ATXN10: variants seen among roughly 807,000 people sequenced by gnomAD.
ATXN10 encodes ataxin 10, also known as ataxin-10.
A neutral mutation model predicts 52.9 loss-of-function variants in ATXN10; 28 were observed. The ratio of observed to expected loss-of-function variants is 0.53; its 90% CI spans 0.39 to 0.73. The LOEUF (loss-of-function observed/expected upper bound fraction) is 0.73, where lower values mean the gene tolerates loss of function less well. ATXN10 is among the 30% of genes least tolerant of loss of function. ATXN10 has a pLI of 0.00. For missense variants in ATXN10, 565 were observed against 577.0 expected (o/e 0.98, Z 0.21); for synonymous variants, 226 against 221.5 (o/e 1.02, Z -0.18).
At chr22:45,821,457 CCCCAA>C (rs754277623) in intron 10 of ATXN10, among the ~76,000 whole-genome samples, 2 of 151,904 alleles carry the variant, frequency 1.3e-5, no homozygotes, top group Non-Finnish European at 2.9e-5. Context: ...TTGTGAAAGA[CCCCAA>C]CCTCCTCTCC....
rs1019415078 is a variant in ATXN10, at chr22:45,715,870, A to T, written c.648-2543A>T. ...TAAGATGATTTCTAGAAAAATTCCA[A>T]ACTTTTGGAAATTAACACATCTGAT... On this transcript the variant is annotated intron_variant, in intron 5 of 11. Transcript: ENST00000252934. The surrounding 1 kb of genome is among the most constrained non-coding windows in gnomAD (Gnocchi z 4.4). Among the ~76,000 whole-genome samples the T allele has an allele frequency of 6.6e-6, 1 of 152,216 alleles. No homozygotes were observed.
At chr22:45,713,757 A>T (rs1439250934) in intron 5 of ATXN10, among the ~76,000 whole-genome samples, 1 of 151,988 alleles carries the variant, frequency 6.6e-6, no homozygotes, top group Non-Finnish European at 1.5e-5. Flanking sequence ...ACTTCTCCCC[A>T]CACTGTTGGG....
chr22:45,768,573 A>G (rs1254031007), intron 9 of ATXN10, among the ~76,000 whole-genome samples: 2 of 152,256 alleles, frequency 1.3e-5, no homozygotes, highest in African/African-American at 4.8e-5. Context: ...CTGTCAGTTT[A>G]GAGAAAATAC....
In ATXN10 at chr22:45,690,458, A is replaced by G. The variant is rs778882829; in HGVS notation, c.308+555A>G. On this transcript the variant is annotated intron_variant, in intron 2 of 11. Transcript: ENST00000252934. The surrounding 1 kb of genome is among the most constrained non-coding windows in gnomAD (Gnocchi z 4.5). ...GGGGTTAGATTTCTTGTTTGTTTTT[A>G]TCACATGTTTTGAGGTATTTGGTTC... Among the ~76,000 whole-genome samples the G allele has an allele frequency of 4.6e-5, 7 of 151,280 alleles. No individual in the cohort carries two copies. Among genetic ancestry groups the G allele is most frequent in the Non-Finnish European group, 1.0e-4 (7 of 67,412 alleles).
rs1418156415 is a variant in ATXN10 at position 45,820,058 on chromosome 22, G to C, written c.1237+13036G>C. Among the ~76,000 whole-genome samples the C allele has an allele frequency of 6.6e-6, 1 of 152,144 alleles. No homozygotes were observed. On this transcript the variant is annotated intron_variant, in intron 10 of 11. Coordinates refer to ENST00000252934, the MANE Select transcript of ATXN10 (RefSeq NM_013236.4). The surrounding 1 kb of genome is among the most constrained non-coding windows in gnomAD (Gnocchi z 4.9). ...ACTGTTGGACTGTAACTCCTGGGCTGTTTTATTTTGAGATGATCATTTCTA... is the reference window on the plus strand; with the variant it reads ...ACTGTTGGACTGTAACTCCTGGGCTCTTTTATTTTGAGATGATCATTTCTA...
intron 9 of ATXN10, among the ~76,000 whole-genome samples, chr22:45,776,304 A>G (rs1405884524): frequency 6.6e-6 from 1 of 152,146 alleles, no homozygotes; most frequent in African/African-American, 2.4e-5. Flanking sequence ...AGCACTTTCC[A>G]TTCTATAAAG....
intron 3 of ATXN10, among the ~76,000 whole-genome samples, chr22:45,698,527 AATC>A (rs1211309825): frequency 1.1e-4 from 16 of 152,336 alleles, no homozygotes; most frequent in African/African-American, 3.6e-4. Context: ...GATAATATTG[AATC>A]TATAGATCAA....
chr22:45,752,504 G>A (rs534668390), intron 9 of ATXN10, among the ~76,000 whole-genome samples: 1 of 146,236 alleles, frequency 6.8e-6, no homozygotes, highest in Non-Finnish European at 1.5e-5. Context: ...GTGAGCAGGT[G>A]TGTGGGACAG....
rs1230666982 is a variant in ATXN10, at chr22:45,837,335, C to T, written c.1238-5656C>T. On this transcript the variant is annotated intron_variant, in intron 10 of 11. Coordinates refer to ENST00000252934, the MANE Select transcript of ATXN10 (RefSeq NM_013236.4). This position sits in a 1 kb window ranked among gnomAD's most constrained non-coding sequence, Gnocchi z 5.8. Reference sequence around the variant, plus strand: ...AGTGCAGTGGCGCAATCTCGGCTCACTGCAGCCTCTGCCTCCCGGGTTTAA... The same window carrying T: ...AGTGCAGTGGCGCAATCTCGGCTCATTGCAGCCTCTGCCTCCCGGGTTTAA... Among the ~76,000 whole-genome samples, 1 of 152,182 alleles carries T rather than the reference C, an allele frequency of 6.6e-6. No homozygotes were observed. Among genetic ancestry groups the T allele is most frequent in the Non-Finnish European group, 1.5e-5 (1 of 68,038 alleles).
At chr22:45,725,880 TG>T (rs747553193) in intron 6 of ATXN10, among the ~76,000 whole-genome samples, 6 of 152,204 alleles carry the variant, frequency 3.9e-5, no homozygotes, top group Non-Finnish European at 8.8e-5. Context: ...TGCTGGATTT[TG>T]TTGAACGTTT....
At chr22:45,711,415 C>T (rs976896194) in intron 5 of ATXN10, among the ~76,000 whole-genome samples, 12 of 152,034 alleles carry the variant, frequency 7.9e-5, no homozygotes, top group Admixed American at 3.3e-4. Flanking sequence ...AAAGGGGTGC[C>T]GAACCGTTCT....
Position 45,816,630 on chromosome 22 carries a change from G to A in ATXN10, c.1237+9608G>A, listed in dbSNP as rs1302238918. 6.6e-6 allele frequency among the ~76,000 whole-genome samples: 1 copy of A among 152,160 alleles called. No homozygotes were observed. Among genetic ancestry groups the A allele is most frequent in the African/African-American group, 2.4e-5 (1 of 41,430 alleles). On this transcript the variant is annotated intron_variant, in intron 10 of 11. Transcript: ENST00000252934. This position sits in a 1 kb window ranked among gnomAD's most constrained non-coding sequence, Gnocchi z 5.8. Reference sequence around the variant, plus strand: ...CAACATTGGACCCTGTGAACCCAGGGGACTGTTTCCAAAATGTGCTCCAAA... The same window carrying A: ...CAACATTGGACCCTGTGAACCCAGGAGACTGTTTCCAAAATGTGCTCCAAA...
At chr22:45,682,497 A>G (rs1354324823) in intron 1 of ATXN10, among the ~76,000 whole-genome samples, 2 of 150,182 alleles carry the variant, frequency 1.3e-5, no homozygotes, top group Admixed American at 6.6e-5. Context: ...TTTTGTAGAG[A>G]CAGGGTCTTA....
chr22:45,764,991 C>T (rs903891628), intron 9 of ATXN10, among the ~76,000 whole-genome samples: 11 of 152,128 alleles, frequency 7.2e-5, no homozygotes, highest in Non-Finnish European at 1.5e-4. Flanking sequence ...CACCAGTAAT[C>T]TTATATTTTA....
At position 45,689,861 on chromosome 22, in the gene ATXN10, G is replaced by C; in HGVS notation, c.266G>C (p.Arg89Pro). 6.2e-7 allele frequency: 1 copy of C among 1,614,146 alleles called. No homozygotes were observed. The highest frequency in any genetic ancestry group is 8.5e-7 in the Non-Finnish European group (1 of 1,180,030). The change falls in exon 2 of 12, where the codon CGC becomes CCC. Residue 89 changes from arginine (R) to proline (P), a missense_variant. Coordinates refer to ENST00000252934, the MANE Select transcript of ATXN10 (RefSeq NM_013236.4). The part of the protein sequence containing the change: ...QLITECFRCL[R>P]NACIECSVNQ... ...ATAACAGAATGCTTCAGGTGTCTTC[G>C]CAATGCTTGCATAGAGTGTTCTGTG...
intron 9 of ATXN10, among the ~76,000 whole-genome samples, chr22:45,803,166 A>C (rs1323566878): frequency 6.6e-6 from 1 of 152,178 alleles, no homozygotes. Context: ...CATTTTACAG[A>C]GGAGGAAACC....
chr22:45,742,397 T>C (rs1159937938), intron 9 of ATXN10, among the ~76,000 whole-genome samples: 1 of 151,898 alleles, frequency 6.6e-6, no homozygotes, highest in Non-Finnish European at 1.5e-5. Flanking sequence ...AAGTACCAAA[T>C]GTAACCGTGC....
In ATXN10 at chr22:45,772,486, T is replaced by C. The variant is rs1225792333; in HGVS notation, c.1173+31948T>C. Among the ~76,000 whole-genome samples, 1 of 152,250 alleles carries C rather than the reference T, an allele frequency of 6.6e-6. No individual in the cohort carries two copies. The highest frequency in any genetic ancestry group is 1.5e-5 in the Non-Finnish European group (1 of 68,038). On this transcript the variant is annotated intron_variant, in intron 9 of 11. Transcript: ENST00000252934. The surrounding 1 kb of genome is among the most constrained non-coding windows in gnomAD (Gnocchi z 4.1). ...TGTCTTTATTACTGTCAATTTACAG[T>C]AAATCTTAAAATTGGGTAGTGTGAT...
intron 10 of ATXN10, among the ~76,000 whole-genome samples, chr22:45,827,680 A>G (rs1928860029): frequency 6.6e-6 from 1 of 152,232 alleles, no homozygotes; most frequent in Non-Finnish European, 1.5e-5. Flanking sequence ...GTTCTACAGT[A>G]ATAGTTGGAA....
Sources: allele counts gnomAD v4.1 joint callset (sites outside exome capture counted in the v4.1 genomes callset), GRCh38; gene constraint gnomAD v4.1.1; non-coding constraint Gnocchi (gnomAD v3.1); transcripts MANE v1.5; gene names NCBI Gene and HGNC (gene_info 2026-07-23, HGNC 2026-07-21).